CPQ: variants seen among roughly 807,000 people sequenced by gnomAD.
CPQ encodes Ser-Met dipeptidase.
In CPQ, 37 loss-of-function variants were observed where a neutral mutation model predicts 45.7. The ratio of observed to expected loss-of-function variants is 0.81; its 90% CI spans 0.62 to 1.07. The LOEUF is 1.07. Among genes scored for constraint, CPQ ranks in the 50% least tolerant of loss-of-function variants. The pLI is 0.00. For synonymous variants in CPQ, 186 were observed against 205.8 expected (o/e 0.90, Z 0.82); for missense variants, 537 against 572.9 (o/e 0.94, Z 0.64).
intron 5 of CPQ, among the ~76,000 whole-genome samples, chr8:97,001,223 C>T (rs1809274646): frequency 6.6e-6 from 1 of 152,090 alleles, no homozygotes; most frequent in Non-Finnish European, 1.5e-5. Flanking sequence ...TATTTGAATA[C>T]ACTTTATTTC....
intron 1 of CPQ, among the ~76,000 whole-genome samples, chr8:96,776,156 G>T (rs1405569242): frequency 6.6e-6 from 1 of 152,164 alleles, no homozygotes; most frequent in African/African-American, 2.4e-5. Flanking sequence ...AGTATTATAT[G>T]AGCTTTGAAT....
intron 7 of CPQ, among the ~76,000 whole-genome samples, chr8:97,106,887 G>A (rs141548224): frequency 1.9e-3 from 283 of 152,288 alleles, no homozygotes; most frequent in African/African-American, 5.6e-3. Context: ...GTGAAAAAGC[G>A]TATTGGGATA....
intron 1 of CPQ, among the ~76,000 whole-genome samples, chr8:96,667,568 C>T (rs1808943158): frequency 6.6e-6 from 1 of 151,946 alleles, no homozygotes; most frequent in African/African-American, 2.4e-5. Context: ...CCAGGCTGAT[C>T]TCAAACTCCT....
At chr8:96,812,065 T>C (rs1003028843) in intron 2 of CPQ, among the ~76,000 whole-genome samples, 1 of 152,246 alleles carries the variant, frequency 6.6e-6, no homozygotes, top group Non-Finnish European at 1.5e-5. Context: ...GAGGCAATTC[T>C]CTTTGGAGTA....
intron 2 of CPQ, among the ~76,000 whole-genome samples, chr8:96,793,327 G>A (rs1198705139): frequency 6.6e-6 from 1 of 152,180 alleles, no homozygotes; most frequent in Admixed American, 6.6e-5. Context: ...GGCTTGAGAG[G>A]CCTCACAATC....
chr8:96,772,752 A>G (rs1810560429), intron 1 of CPQ, among the ~76,000 whole-genome samples: 1 of 152,310 alleles, frequency 6.6e-6, no homozygotes, highest in South Asian at 2.1e-4. Context: ...GGAGTTAGGG[A>G]CAAAGGACAT....
At chr8:97,098,458 C>T (rs150922443) in intron 7 of CPQ, among the ~76,000 whole-genome samples, 36 of 152,288 alleles carry the variant, frequency 2.4e-4, no homozygotes, top group African/African-American at 8.4e-4. Context: ...TAGACAGCAA[C>T]TCTCAGCAGA....
chr8:97,122,995 AATAAAAT>A lies in CPQ; in HGVS notation c.1256-20016_1256-20010del, dbSNP rs1563586986. On this transcript the variant is annotated intron_variant, in intron 7 of 7. Coordinates refer to ENST00000220763, the MANE Select transcript of CPQ (RefSeq NM_016134.4). ...ATAAAATAAAATTAAAATAAAATAA[AATAAAAT>A]ATAAAATAAAATAAAATAAAATAAA... Among the ~76,000 whole-genome samples, 143 of 74,378 alleles carry A rather than the reference AATAAAAT, an allele frequency of 1.9e-3. 7 individuals carry two copies. The highest frequency in any genetic ancestry group is 4.9e-3 in the South Asian group (13 of 2,652). 48.8% of individuals were successfully genotyped at this position (74,378 alleles called of 152,430 possible).
chr8:96,700,482 C>G (rs1809443038), intron 1 of CPQ, among the ~76,000 whole-genome samples: 1 of 152,102 alleles, frequency 6.6e-6, no homozygotes, highest in African/African-American at 2.4e-5. Flanking sequence ...AATGGAGATG[C>G]AGTTGTCTCT....
intron 2 of CPQ, among the ~76,000 whole-genome samples, chr8:96,806,441 A>G (rs1811081296): frequency 6.6e-6 from 1 of 152,152 alleles, no homozygotes; most frequent in African/African-American, 2.4e-5. Context: ...AATCTCTCCC[A>G]CAGTACTAAG....
intron 1 of CPQ, among the ~76,000 whole-genome samples, chr8:96,651,817 TTC>T (rs1815580017): frequency 6.6e-6 from 1 of 152,142 alleles, no homozygotes; most frequent in Non-Finnish European, 1.5e-5. Context: ...CATTAATAAG[TTC>T]TTTTTTATTT....
intron 1 of CPQ, among the ~76,000 whole-genome samples, chr8:96,719,387 C>A (rs1234129628): frequency 6.6e-6 from 1 of 152,218 alleles, no homozygotes; most frequent in African/African-American, 2.4e-5. Context: ...CAAGTGCGGG[C>A]CCGCCAAGCC....
chr8:97,098,497 T>G (rs915827294), intron 7 of CPQ, among the ~76,000 whole-genome samples: 1 of 152,200 alleles, frequency 6.6e-6, no homozygotes, highest in Non-Finnish European at 1.5e-5. Context: ...AGGAATAGTC[T>G]GTGTTTCCAA....
chr8:96,967,362 T>C (rs1400806527), intron 5 of CPQ, among the ~76,000 whole-genome samples: 1 of 152,222 alleles, frequency 6.6e-6, no homozygotes, highest in Non-Finnish European at 1.5e-5. Flanking sequence ...CTTAAGCAAG[T>C]CATTTGAATG....
chr8:96,929,190 G>C (rs944908758), intron 4 of CPQ, among the ~76,000 whole-genome samples: 2 of 152,076 alleles, frequency 1.3e-5, no homozygotes, highest in African/African-American at 4.8e-5. Flanking sequence ...GGTGGGACAG[G>C]GGAAGGACTA....
chr8:97,111,248 C>A (rs1262229071), intron 7 of CPQ, among the ~76,000 whole-genome samples: 1 of 152,156 alleles, frequency 6.6e-6, no homozygotes, highest in Non-Finnish European at 1.5e-5. Flanking sequence ...AAATGTCCTC[C>A]CTTTTCCTCC....
chr8:97,129,052 G>A (rs1811893826), intron 7 of CPQ, among the ~76,000 whole-genome samples: 1 of 152,188 alleles, frequency 6.6e-6, no homozygotes, highest in African/African-American at 2.4e-5. Flanking sequence ...GTGGTTAGAT[G>A]TCTGTCACCA....
chr8:97,132,602 C>G (rs1472917382), intron 7 of CPQ, among the ~76,000 whole-genome samples: 1 of 152,118 alleles, frequency 6.6e-6, no homozygotes, highest in Non-Finnish European at 1.5e-5. Context: ...AAAAATCTGT[C>G]CATTTGAACA....
At chr8:97,040,241 G>A (rs1366717063) in intron 6 of CPQ, among the ~76,000 whole-genome samples, 1 of 152,190 alleles carries the variant, frequency 6.6e-6, no homozygotes, top group Non-Finnish European at 1.5e-5. Context: ...CACTGATGGT[G>A]AGCATTTTTT....
Sources: gnomAD v4.1 joint callset for allele counts (sites outside exome capture counted in the v4.1 genomes callset) on GRCh38, gnomAD v4.1.1 for gene constraint, MANE v1.5 for transcripts, NCBI Gene and HGNC (gene_info 2026-07-23, HGNC 2026-07-21) for gene names.